LCLAT1: variants seen among roughly 807,000 people sequenced by gnomAD.
LCLAT1 encodes the protein lysocardiolipin acyltransferase 1.
A neutral mutation model predicts 30.7 loss-of-function variants in LCLAT1; 11 were observed. The observed-to-expected ratio is 0.36, with a 90% CI of 0.23 to 0.59. The LOEUF is 0.59. Ranked by LOEUF, LCLAT1 falls within the 20% of genes least tolerant of loss-of-function variation. The pLI is 0.77. For missense variants in LCLAT1, 402 were observed against 458.6 expected (o/e 0.88, Z 1.13); for synonymous variants, 155 against 151.3 (o/e 1.02, Z -0.18).
intron 5 of LCLAT1, among the ~76,000 whole-genome samples, chr2:30,615,789 A>T (rs1324922413): frequency 6.6e-6 from 1 of 152,234 alleles, no homozygotes; most frequent in African/African-American, 2.4e-5. Context: ...TAAGGAATTT[A>T]TCTGGGAAAG....
Position 30,631,627 on chromosome 2 carries a change from A to G in LCLAT1, c.629-8490A>G, listed in dbSNP as rs76974173. ...TTGCTAGGAAGCTCAGTATAGTAGC[A>G]AAGTTACTTTTCCTTTTATTTTTAA... On this transcript the variant is annotated intron_variant, in intron 5 of 5. Transcript: ENST00000379509. Among the ~76,000 whole-genome samples, 1,487 of 152,312 alleles carry G rather than the reference A, an allele frequency of 9.8e-3. 24 individuals carry two copies. The highest frequency in any genetic ancestry group is 0.034 in the African/African-American group (1,399 of 41,570).
chr2:30,546,901 A>G (rs1664440520), intron 3 of LCLAT1, among the ~76,000 whole-genome samples: 1 of 152,068 alleles, frequency 6.6e-6, no homozygotes, highest in South Asian at 2.1e-4. Context: ...TGCTCATAAC[A>G]AGAATAAGAT....
At chr2:30,449,944 A>G (rs1681465395) in intron 1 of LCLAT1, among the ~76,000 whole-genome samples, 1 of 152,168 alleles carries the variant, frequency 6.6e-6, no homozygotes, top group Admixed American at 6.5e-5. Flanking sequence ...TACTTGTGCT[A>G]ATTTTTCCAG....
chr2:30,574,147 AAATAAT>A (rs915968229), intron 5 of LCLAT1, among the ~76,000 whole-genome samples: 79 of 151,998 alleles, frequency 5.2e-4, no homozygotes, highest in African/African-American at 1.1e-3. Context: ...TGTCTCAAAA[AAATAAT>A]AATAATAATA....
chr2:30,581,980 G>A (rs573822247), intron 5 of LCLAT1, among the ~76,000 whole-genome samples: 12 of 152,232 alleles, frequency 7.9e-5, no homozygotes, highest in Admixed American at 2.0e-4. Flanking sequence ...ATTACACATT[G>A]CATACATATC....
chr2:30,538,272 A>T (rs886128634), intron 3 of LCLAT1, among the ~76,000 whole-genome samples: 1 of 152,250 alleles, frequency 6.6e-6, no homozygotes, highest in Non-Finnish European at 1.5e-5. Flanking sequence ...CAAAGGGTCA[A>T]TGAAATGGAA....
intron 1 of LCLAT1, among the ~76,000 whole-genome samples, chr2:30,490,954 T>C (rs1371575330): frequency 1.3e-5 from 2 of 152,208 alleles, no homozygotes; most frequent in South Asian, 2.1e-4. Flanking sequence ...CAGTATCTTG[T>C]TAATTATTTT....
intron 5 of LCLAT1, chr2:30,605,871 T>A: frequency 2.4e-6 from 1 of 408,954 alleles, no homozygotes; most frequent in Non-Finnish European, 3.8e-6. Flanking sequence ...GGTTTCGGAA[T>A]GAAACTGTTC....
intron 1 of LCLAT1, among the ~76,000 whole-genome samples, chr2:30,502,523 C>G (rs761084762): frequency 6.6e-6 from 1 of 152,118 alleles, no homozygotes; most frequent in Non-Finnish European, 1.5e-5. Context: ...ACCTCACATT[C>G]CCACTGTCCC....
At chr2:30,486,936 A>C (rs953105068) in intron 1 of LCLAT1, among the ~76,000 whole-genome samples, 1 of 152,210 alleles carries the variant, frequency 6.6e-6, no homozygotes, top group Non-Finnish European at 1.5e-5. Context: ...GTTTGGTGCT[A>C]TTGGTTACTT....
intron 4 of LCLAT1, among the ~76,000 whole-genome samples, chr2:30,566,495 T>C (rs1665490192): frequency 6.6e-6 from 1 of 152,178 alleles, no homozygotes; most frequent in Admixed American, 6.5e-5. Flanking sequence ...TCCTTTATCA[T>C]AAAATGATGT....
At chr2:30,494,584 A>T (rs1684006241) in intron 1 of LCLAT1, among the ~76,000 whole-genome samples, 1 of 151,974 alleles carries the variant, frequency 6.6e-6, no homozygotes, top group South Asian at 2.1e-4. Flanking sequence ...GCATACGTGC[A>T]TACATGTATG....
intron 1 of LCLAT1, among the ~76,000 whole-genome samples, chr2:30,456,235 C>T (rs2148263565): frequency 6.6e-6 from 1 of 152,258 alleles, no homozygotes; most frequent in East Asian, 1.9e-4. Flanking sequence ...ACTGACACCA[C>T]TGGGAGGGGA....
At chr2:30,554,968 A>G (rs7584368) in intron 3 of LCLAT1, among the ~76,000 whole-genome samples, 12,049 of 148,776 alleles carry the variant, frequency 0.081, 845 homozygotes, top group African/African-American at 0.19. Flanking sequence ...AATGTTTTCT[A>G]TATTAAAGAA....
chr2:30,562,863 T>A (rs533922627), intron 4 of LCLAT1, among the ~76,000 whole-genome samples: 6 of 152,264 alleles, frequency 3.9e-5, no homozygotes, highest in Non-Finnish European at 8.8e-5. Context: ...AAGAAAAAGA[T>A]CTGATAGTAA....
chr2:30,596,108 G>GTATC (rs1171310511), intron 5 of LCLAT1, among the ~76,000 whole-genome samples: 3 of 152,118 alleles, frequency 2.0e-5, no homozygotes, highest in Non-Finnish European at 4.4e-5. Context: ...ATGCGTGCAT[G>GTATC]TATCTTTCTT....
chr2:30,527,392 ATG>A (rs1315365803), intron 2 of LCLAT1, among the ~76,000 whole-genome samples: 1 of 152,206 alleles, frequency 6.6e-6, no homozygotes, highest in East Asian at 1.9e-4. Flanking sequence ...CATTTTCTAA[ATG>A]TCATCAGTTT....
intron 5 of LCLAT1, among the ~76,000 whole-genome samples, chr2:30,627,386 G>A (rs771265749): frequency 1.3e-5 from 2 of 151,936 alleles, no homozygotes; most frequent in Non-Finnish European, 2.9e-5. Context: ...AACTTTCTTC[G>A]CTTTTAGAGG....
chr2:30,486,209 TAGAA>T (rs569741911), intron 1 of LCLAT1, among the ~76,000 whole-genome samples: 34 of 152,328 alleles, frequency 2.2e-4, no homozygotes, highest in African/African-American at 7.0e-4. Flanking sequence ...AGCATTATCT[TAGAA>T]AGAACTTTGG....
Sources: gnomAD v4.1 joint callset for allele counts (sites outside exome capture counted in the v4.1 genomes callset) on GRCh38, gnomAD v4.1.1 for gene constraint, MANE v1.5 for transcripts, NCBI Gene and HGNC (gene_info 2026-07-23, HGNC 2026-07-21) for gene names.